The following CRIM1 variants were observed in gnomAD, a reference collection of about 807,000 sequenced individuals.
CRIM1 encodes cysteine-rich motor neuron 1 protein.
Under a neutral mutation model 116.4 loss-of-function variants are expected in CRIM1, and 32 were observed. The ratio of observed to expected loss-of-function variants is 0.27; its 90% CI spans 0.21 to 0.37. The LOEUF (loss-of-function observed/expected upper bound fraction) is 0.37, where lower values mean the gene tolerates loss of function less well. Among genes scored for constraint, CRIM1 ranks in the 10% least tolerant of loss-of-function variants. The probability of loss-of-function intolerance (pLI) is 1.00; values close to 1 mark genes in which losing one functional copy is unlikely to be tolerated. For synonymous variants in CRIM1, 590 were observed against 509.2 expected, an observed-to-expected ratio of 1.16 and a Z score of -2.13; for missense variants, 1,331 against 1,354.8, an observed-to-expected ratio of 0.98 and a Z score of 0.28.
intron 4 of CRIM1, among the ~76,000 whole-genome samples, chr2:36,454,454 C>T (rs564770376): frequency 3.3e-5 from 5 of 152,132 alleles, no homozygotes; most frequent in Admixed American, 2.0e-4. Flanking sequence ...AAGAAGTGAT[C>T]GTCAGGAATG....
At chr2:36,389,355 C>T (rs997941662) in intron 1 of CRIM1, among the ~76,000 whole-genome samples, 1 of 152,078 alleles carries the variant, frequency 6.6e-6, no homozygotes. Flanking sequence ...TTAAGAGCAG[C>T]GATTTTACAT....
At chr2:36,518,636 A>C (rs1665179622) in intron 12 of CRIM1, among the ~76,000 whole-genome samples, 1 of 152,220 alleles carries the variant, frequency 6.6e-6, no homozygotes, top group East Asian at 1.9e-4. Context: ...TTAATCTGAG[A>C]AGCTTAATTA....
chr2:36,439,302 C>T (rs1228456468), intron 2 of CRIM1, among the ~76,000 whole-genome samples: 1 of 152,192 alleles, frequency 6.6e-6, no homozygotes, highest in Non-Finnish European at 1.5e-5. Context: ...AGTGCCTTTC[C>T]AACCTCCTCC....
intron 1 of CRIM1, among the ~76,000 whole-genome samples, chr2:36,358,092 G>T (rs1175422761): frequency 3.3e-5 from 5 of 151,044 alleles, no homozygotes; most frequent in Non-Finnish European, 7.4e-5. Context: ...CAGAGGGGAG[G>T]GACTTGCTCT....
At chr2:36,425,265 A>G (rs1167194829) in intron 2 of CRIM1, among the ~76,000 whole-genome samples, 1 of 152,236 alleles carries the variant, frequency 6.6e-6, no homozygotes, top group Non-Finnish European at 1.5e-5. Flanking sequence ...TCCCAGCCTT[A>G]ATAAACAGCT....
At chr2:36,494,965 G>C (rs1680476168) in intron 7 of CRIM1, among the ~76,000 whole-genome samples, 1 of 152,078 alleles carries the variant, frequency 6.6e-6, no homozygotes, top group Non-Finnish European at 1.5e-5. Context: ...CTCTGTGCAA[G>C]GATTTCCTCA....
intron 4 of CRIM1, among the ~76,000 whole-genome samples, chr2:36,461,114 A>C (rs552363756): frequency 6.6e-6 from 1 of 152,174 alleles, no homozygotes; most frequent in Non-Finnish European, 1.5e-5. Flanking sequence ...GGAGTAATGG[A>C]AGATAAATTT....
rs146764402 is a variant in CRIM1, at chr2:36,526,765, T to A, written c.2428+4452T>A. 3.2e-4 allele frequency among the ~76,000 whole-genome samples: 48 copies of A among 152,302 alleles called. 1 individual carries two copies. The East Asian group carries it at 7.3e-3, about 23-fold the overall frequency. Reference sequence around the variant, plus strand: ...GTGTCCAGGGGTCAGTCATTCCTGGTCAGATATTAAAAAGAAAAAGTACTA... The same window carrying A: ...GTGTCCAGGGGTCAGTCATTCCTGGACAGATATTAAAAAGAAAAAGTACTA... On this transcript the variant is annotated intron_variant, in intron 13 of 16. Coordinates refer to ENST00000280527, the MANE Select transcript of CRIM1 (RefSeq NM_016441.3).
chr2:36,429,600 G>A (rs1284403691), intron 2 of CRIM1, among the ~76,000 whole-genome samples: 1 of 152,224 alleles, frequency 6.6e-6, no homozygotes, highest in African/African-American at 2.4e-5. Context: ...CAGAAAGAGA[G>A]AAAGCAGCTG....
chr2:36,509,404 G>A (rs936978843), intron 8 of CRIM1, among the ~76,000 whole-genome samples: 1 of 152,150 alleles, frequency 6.6e-6, no homozygotes, highest in Non-Finnish European at 1.5e-5. Flanking sequence ...GTGCATGCCT[G>A]TAATCACAGA....
chr2:36,465,284 T>A (rs1301743307), intron 5 of CRIM1, among the ~76,000 whole-genome samples: 2 of 152,156 alleles, frequency 1.3e-5, no homozygotes, highest in Non-Finnish European at 2.9e-5. Flanking sequence ...ATGGGAGGAT[T>A]TGGTGTTTGG....
At chr2:36,526,804 G>A (rs766594333) in intron 13 of CRIM1, among the ~76,000 whole-genome samples, 4 of 152,084 alleles carry the variant, frequency 2.6e-5, no homozygotes, top group African/African-American at 9.7e-5. Context: ...TGATCGTAAC[G>A]TCTATCTTAG....
At position 36,536,850 on chromosome 2, in the gene CRIM1, T is replaced by C. The variant is rs541591139; in HGVS notation, c.2429-502T>C. On this transcript the variant is annotated intron_variant, in intron 13 of 16. Transcript: ENST00000280527. ...AATGAAGCTGTTTTTAAAGTAGAAA[T>C]GTCCTTGTAGGTGAGAGAAATCTAC... Among the ~76,000 whole-genome samples, 499 of 152,056 alleles carry C rather than the reference T, an allele frequency of 3.3e-3. 3 individuals carry two copies. The highest frequency in any genetic ancestry group is 6.2e-3 in the Non-Finnish European group (422 of 67,998).
chr2:36,506,181 T>TCTCA (rs1277640169), intron 8 of CRIM1, among the ~76,000 whole-genome samples: 19 of 120,962 alleles, frequency 1.6e-4, no homozygotes, highest in African/African-American at 4.6e-4. Context: ...TCTCTCTCTC[T>TCTCA]CACACACACA....
At chr2:36,465,202 C>G (rs1221710456) in intron 5 of CRIM1, among the ~76,000 whole-genome samples, 1 of 152,170 alleles carries the variant, frequency 6.6e-6, no homozygotes, top group Non-Finnish European at 1.5e-5. Flanking sequence ...GCTTGACCCA[C>G]GTGGCCCTGA....
chr2:36,547,024 G>A lies in CRIM1; in HGVS notation c.2787G>A (p.Leu929=). Residue 929 remains leucine (L), a synonymous_variant, in exon 16 of 17, where the codon CTG becomes CTA. Coordinates refer to ENST00000280527, the MANE Select transcript of CRIM1 (RefSeq NM_016441.3). ...AGGTAGATTACAGAGATAACAGGCTGCACCCAAGTGAAGATTCTTCACTGG... is the reference window on the plus strand; with the variant it reads ...AGGTAGATTACAGAGATAACAGGCTACACCCAAGTGAAGATTCTTCACTGG... ...HLQVDYRDNR[L]HPSEDSSLDS... is the part of the protein sequence containing the mutation. 1.2e-6 allele frequency: 2 copies of A among 1,612,528 alleles called. No individual in the cohort carries two copies. The highest frequency in any genetic ancestry group is 1.7e-6 in the Non-Finnish European group (2 of 1,178,924).
chr2:36,365,362 A>T (rs1280299507), intron 1 of CRIM1, among the ~76,000 whole-genome samples: 1 of 152,230 alleles, frequency 6.6e-6, no homozygotes, highest in African/African-American at 2.4e-5. Context: ...GGATTTCTGG[A>T]CATCACTGGA....
intron 8 of CRIM1, among the ~76,000 whole-genome samples, chr2:36,509,110 AGAT>A (rs1413906794): frequency 6.6e-6 from 1 of 152,238 alleles, no homozygotes; most frequent in African/African-American, 2.4e-5. Flanking sequence ...ATTTTGTAAA[AGAT>A]GTACTTTTTT....
At chr2:36,488,688 A>G (rs1400041792) in intron 7 of CRIM1, among the ~76,000 whole-genome samples, 2 of 152,164 alleles carry the variant, frequency 1.3e-5, no homozygotes, top group Admixed American at 6.5e-5. Context: ...TTCGCATCTG[A>G]GAGATTAGCT....
Sources: gnomAD v4.1 joint callset for allele counts (sites outside exome capture counted in the v4.1 genomes callset) on GRCh38, gnomAD v4.1.1 for gene constraint, MANE v1.5 for transcripts, NCBI Gene and HGNC (gene_info 2026-07-23, HGNC 2026-07-21) for gene names.